USP32: variants seen among roughly 807,000 people sequenced by gnomAD.
USP32 encodes ubiquitin carboxyl-terminal hydrolase 32.
In USP32, 59 loss-of-function variants were observed where a neutral mutation model predicts 204.8. The observed-to-expected ratio is 0.29, with a 90% confidence interval of 0.23 to 0.36. The LOEUF (loss-of-function observed/expected upper bound fraction) is 0.36, where lower values mean the gene tolerates loss of function less well. Ranked by LOEUF, USP32 falls within the 10% of genes least tolerant of loss-of-function variation. The pLI is 1.00. For missense variants in USP32, 1,160 were observed against 1,946.4 expected, an observed-to-expected ratio of 0.60 and a Z score of 7.60; for synonymous variants, 517 against 678.4, an observed-to-expected ratio of 0.76 and a Z score of 3.70.
chr17:60,250,656 A>G (rs2086142166), intron 11 of USP32, among the ~76,000 whole-genome samples: 1 of 152,102 alleles, frequency 6.6e-6, no homozygotes, highest in Non-Finnish European at 1.5e-5. Context: ...AATATTTAAA[A>G]AACTACATGA....
Position 60,207,124 on chromosome 17 carries a change from A to T in USP32, c.2934T>A (p.Pro978=). Residue 978 remains proline, a synonymous_variant, in exon 25 of 34, where the codon CCT becomes CCA. Transcript: ENST00000300896. ...EVHGSNIKNF[P]QDNQKVRLSV... is the part of the protein sequence containing the mutation. ...AGAGTCGTACTTTTTGGTTGTCCTGAGGAAAGTTCTACAGAAACAGAAGCA... is the reference window on the plus strand; with the variant it reads ...AGAGTCGTACTTTTTGGTTGTCCTGTGGAAAGTTCTACAGAAACAGAAGCA... The T allele has an allele frequency of 6.2e-7, 1 of 1,610,570 alleles. No individual in the cohort carries two copies. The highest frequency in any genetic ancestry group is 8.5e-7 in the Non-Finnish European group (1 of 1,178,466).
At chr17:60,409,154 C>A (rs759455542) in intron 1 of USP32, among the ~76,000 whole-genome samples, 3 of 152,086 alleles carry the variant, frequency 2.0e-5, no homozygotes, top group Non-Finnish European at 4.4e-5. Context: ...TCAAGACCAC[C>A]CTGAGCAACA....
rs774096210 is a variant in USP32, at chr17:60,209,487, T to C, written c.2481A>G (p.Gln827=). 6 of 1,603,880 alleles carry C rather than the reference T, an allele frequency of 3.7e-6. No individual in the cohort carries two copies. Among genetic ancestry groups the C allele is most frequent in the Non-Finnish European group, 5.1e-6 (6 of 1,176,840 alleles). The change falls in exon 22 of 34, where the codon CAA becomes CAG. Residue 827 remains glutamine, a synonymous_variant. Transcript: ENST00000300896. The part of the protein sequence containing the change: ...RFNGFQQQDS[Q]ELLAFLLDGL... ...CATCCAAGAGAAAAGCCAGAAGTTC[T>C]TGGGAGTCCTGTTGCTGAAACCCAT...
At chr17:60,400,558 T>G (rs1204255384) in intron 1 of USP32, among the ~76,000 whole-genome samples, 2 of 152,132 alleles carry the variant, frequency 1.3e-5, no homozygotes, top group Non-Finnish European at 2.9e-5. Flanking sequence ...AGAAGGAGAT[T>G]TGTGGGTCAA....
intron 1 of USP32, among the ~76,000 whole-genome samples, chr17:60,418,274 G>T (rs184983090): frequency 2.1e-4 from 32 of 151,726 alleles, no homozygotes; most frequent in African/African-American, 7.5e-4. Context: ...TGTATTTTTA[G>T]TAGAGACAGC....
intron 12 of USP32, 110 bp downstream of exon 12, chr17:60,236,028 G>T (rs1057406708): frequency 2.3e-6 from 2 of 853,424 alleles, no homozygotes; most frequent in Non-Finnish European, 3.9e-6. Flanking sequence ...CTTTATTTAA[G>T]TTGGAGCATT....
chr17:60,388,441 A>C (rs2089771125), intron 1 of USP32, among the ~76,000 whole-genome samples: 1 of 152,182 alleles, frequency 6.6e-6, no homozygotes, highest in South Asian at 2.1e-4. Flanking sequence ...AAAAGGATCT[A>C]AAATGCAACT....
chr17:60,226,153 T>C lies in USP32; in HGVS notation c.1318A>G (p.Met440Val), dbSNP rs769642439. Reference protein sequence around the residue: ...KYSFGTAAHPMEQVEDRIGSS... With the variant: ...KYSFGTAAHPVEQVEDRIGSS... ...CCAATTCTATCTTCGACCTGCTCCA[T>C]AGGATGGGCTGCAGTTCCAAATGAG... The change falls in exon 13 of 34, where the codon ATG becomes GTG. Residue 440 changes from methionine to valine, a missense_variant. Transcript: ENST00000300896. 7 of 1,605,684 alleles carry C rather than the reference T, an allele frequency of 4.4e-6. No homozygotes were observed. In the Admixed American group the frequency reaches 5.2e-5, roughly 12 times the overall value.
rs1237183646 is a variant in USP32 at position 60,184,829 on chromosome 17, AC to A, written c.3834+630del. ...TGTCTCAAAAAAAAAAAAAAAAAAA[AC>A]ATATAAATATCTGAATTAAAATATG... On this transcript the variant is annotated intron_variant, in intron 30 of 33. Transcript: ENST00000300896. 2.5e-4 allele frequency among the ~76,000 whole-genome samples: 38 copies of A among 150,502 alleles called. No individual in the cohort carries two copies. In the East Asian group the frequency reaches 2.7e-3, roughly 11 times the overall value.
intron 5 of USP32, among the ~76,000 whole-genome samples, chr17:60,287,271 T>G (rs888885399): frequency 6.6e-6 from 1 of 152,202 alleles, no homozygotes; most frequent in African/African-American, 2.4e-5. Context: ...CTTAACCAAT[T>G]GCAAATCAGA....
Position 60,185,498 on chromosome 17 carries a change from T to C in USP32, c.3796A>G (p.Thr1266Ala). The C allele has an allele frequency of 6.2e-7, 1 of 1,611,408 alleles. No individual in the cohort carries two copies. Among genetic ancestry groups the C allele is most frequent in the Non-Finnish European group, 8.5e-7 (1 of 1,179,348 alleles). Residue 1266 changes from threonine (T) to alanine (A), a missense_variant, in exon 30 of 34, where the codon ACA (threonine) becomes GCA (alanine). Around this residue, in one of 8 missense-constraint regions of USP32, gnomAD observed 160 missense variants for 322.5 expected, o/e 0.50. Transcript: ENST00000300896. ...CSKCKTHCLA[T>A]KKLDLWRLPP... Reference sequence around the variant, plus strand: ...AGCCTCCAGAGATCCAGCTTCTTTGTTGCTAAGCAGTGGGTCTTACACTTG... The same window carrying C: ...AGCCTCCAGAGATCCAGCTTCTTTGCTGCTAAGCAGTGGGTCTTACACTTG...
chr17:60,329,266 A>ATG (rs199766140), intron 2 of USP32, among the ~76,000 whole-genome samples: 23 of 143,982 alleles, frequency 1.6e-4, no homozygotes, highest in Admixed American at 6.0e-4. Flanking sequence ...TTGCCTGACA[A>ATG]TGTGTGTGTG....
At chr17:60,191,748 A>G (rs1202435185) in intron 28 of USP32, among the ~76,000 whole-genome samples, 3 of 151,542 alleles carry the variant, frequency 2.0e-5, no homozygotes, top group African/African-American at 7.3e-5. Flanking sequence ...TGACCTCTTG[A>G]TCTGCCCGCC....
intron 1 of USP32, among the ~76,000 whole-genome samples, chr17:60,406,807 C>T (rs1216573462): frequency 6.6e-6 from 1 of 151,566 alleles, no homozygotes; most frequent in African/African-American, 2.4e-5. Context: ...AGCCACTGCG[C>T]CTGGCCTTTC....
At chr17:60,324,207 A>G (rs1249742621) in intron 2 of USP32, among the ~76,000 whole-genome samples, 1 of 151,962 alleles carries the variant, frequency 6.6e-6, no homozygotes, top group Non-Finnish European at 1.5e-5. Flanking sequence ...GGTTGAACCC[A>G]GGAGTTCGAG....
chr17:60,344,159 C>T (rs2088726968), intron 2 of USP32, among the ~76,000 whole-genome samples: 4 of 137,566 alleles, frequency 2.9e-5, no homozygotes, highest in Non-Finnish European at 6.1e-5. Context: ...GTCAGAGTCT[C>T]ATTCTGTTGC....
chr17:60,193,336 T>C (rs1417122140), intron 27 of USP32, among the ~76,000 whole-genome samples: 1 of 152,226 alleles, frequency 6.6e-6, no homozygotes, highest in Non-Finnish European at 1.5e-5. Context: ...GAAAGCTGTA[T>C]ATTTAGAAGT....
Position 60,231,848 on chromosome 17 carries a change from C to T in USP32, c.1239+4290G>A, listed in dbSNP as rs540719684. 1.4e-4 allele frequency among the ~76,000 whole-genome samples: 21 copies of T among 152,246 alleles called. 1 individual carries two copies. In the South Asian group the frequency reaches 4.4e-3, roughly 32 times the overall value. On this transcript the variant is annotated intron_variant, in intron 12 of 33. Transcript: ENST00000300896. ...GGAGATTACACATAGAAGAATAAAG[C>T]TTGACACATTAAAGCGGGGAAAGAC...
At chr17:60,316,008 C>T (rs1220815309) in intron 2 of USP32, 1 of 172,378 alleles carries the variant, frequency 5.8e-6, no homozygotes, top group Non-Finnish European at 1.2e-5. Context: ...GTCCACTGAA[C>T]TTCTGATTCA....
Sources: allele counts gnomAD v4.1 joint callset (sites outside exome capture counted in the v4.1 genomes callset), GRCh38; gene constraint gnomAD v4.1.1; regional missense constraint gnomAD v4.1.1; transcripts MANE v1.5; gene names NCBI Gene and HGNC (gene_info 2026-07-23, HGNC 2026-07-21).